HEPACAM2: variants seen among roughly 807,000 people sequenced by gnomAD.
HEPACAM2 encodes mitotic kinetics regulator.
A neutral mutation model predicts 49.6 loss-of-function variants in HEPACAM2; 49 were observed. That is an observed-to-expected ratio of 0.99 (90% CI 0.78 to 1.25). HEPACAM2 has a LOEUF of 1.25. Among genes scored for constraint, HEPACAM2 ranks in the 50% most tolerant of loss-of-function variants. The pLI is 0.00. For synonymous variants in HEPACAM2, 197 were observed against 202.9 expected, an observed-to-expected ratio of 0.97 and a Z score of 0.25; for missense variants, 525 against 557.2, an observed-to-expected ratio of 0.94 and a Z score of 0.58.
At chr7:93,214,945 A>G (rs901828538) in intron 3 of HEPACAM2, among the ~76,000 whole-genome samples, 2 of 152,216 alleles carry the variant, frequency 1.3e-5, no homozygotes, top group Non-Finnish European at 2.9e-5. Flanking sequence ...GAAGACATAC[A>G]GATAAAGAGC....
At chr7:93,194,947 G>C (rs949367745) in intron 8 of HEPACAM2, among the ~76,000 whole-genome samples, 1 of 84,160 alleles carries the variant, frequency 1.2e-5, no homozygotes, top group Non-Finnish European at 2.1e-5. Context: ...TTTCCGGACT[G>C]AAATGACTTC....
chr7:93,201,257 T>A (rs187516665), intron 4 of HEPACAM2, among the ~76,000 whole-genome samples: 14 of 152,228 alleles, frequency 9.2e-5, no homozygotes, highest in Non-Finnish European at 1.9e-4. Flanking sequence ...ATACATAAGG[T>A]GTGTATCCAG....
intron 1 of HEPACAM2, among the ~76,000 whole-genome samples, chr7:93,224,428 A>G (rs190336015): frequency 1.4e-4 from 22 of 152,254 alleles, no homozygotes; most frequent in Non-Finnish European, 2.9e-4. Context: ...ACTCTTATAA[A>G]TTATAGTTCT....
In HEPACAM2 at chr7:93,197,145, T is replaced by C. The variant is rs563171434; in HGVS notation, c.1201+96A>G. 23 of 810,310 alleles carry C rather than the reference T, an allele frequency of 2.8e-5. No individual in the cohort carries two copies. The South Asian group carries it at 8.8e-4, about 31-fold the overall frequency. The allele number at this position is 810,310 out of a possible 1,614,324, so 50.2% of individuals were successfully genotyped here. On this transcript the variant is annotated intron_variant, in intron 7 of 9. Transcript: ENST00000394468. ...AGACTGTTATATTAATTTTAGCTCA[T>C]ATTAATTATATTACATTAATAATAT...
intron 1 of HEPACAM2, 76 bp from the exon 2 acceptor site, chr7:93,219,527 C>A: frequency 1.9e-6 from 3 of 1,595,052 alleles, no homozygotes; most frequent in Non-Finnish European, 8.5e-7. Flanking sequence ...GCAGAGAGAA[C>A]CTGATCAGGT....
Position 93,209,661 on chromosome 7 carries a change from T to A in HEPACAM2, c.716-785A>T, listed in dbSNP as rs541052015. On this transcript the variant is annotated intron_variant, in intron 3 of 9. Coordinates refer to ENST00000394468, the MANE Select transcript of HEPACAM2 (RefSeq NM_001039372.4). The stretch of plus-strand genomic sequence containing the variant: ...TACTCTCTATGTCTATTAGATCAAC[T>A]TTTTAGCTTCTACACATTAATATTT... 3.4e-4 allele frequency among the ~76,000 whole-genome samples: 51 copies of A among 152,084 alleles called. 1 individual carries two copies. In the South Asian group the frequency reaches 9.9e-3, roughly 30 times the overall value.
At chr7:93,204,346 CTATCTATCT>C (rs1041907752) in intron 4 of HEPACAM2, among the ~76,000 whole-genome samples, 9 of 151,850 alleles carry the variant, frequency 5.9e-5, no homozygotes, top group African/African-American at 2.2e-4. Flanking sequence ...ATCTATCTAT[CTATCTATCT>C]ATCTATCTAT....
At chr7:93,215,330 G>T in intron 3 of HEPACAM2, 71 bp downstream of exon 3, 1 of 1,415,066 alleles carries the variant, frequency 7.1e-7, no homozygotes. Flanking sequence ...TATATTCTCT[G>T]TGACTATCCT....
chr7:93,210,701 T>C (rs955409268), intron 3 of HEPACAM2, among the ~76,000 whole-genome samples: 1 of 151,922 alleles, frequency 6.6e-6, no homozygotes, highest in African/African-American at 2.4e-5. Context: ...GTTTGCTCAG[T>C]AATGGCCTAA....
intron 1 of HEPACAM2, among the ~76,000 whole-genome samples, chr7:93,223,956 C>A (rs1253484976): frequency 2.0e-5 from 3 of 152,130 alleles, no homozygotes; most frequent in African/African-American, 7.2e-5. Context: ...TCACCCACTA[C>A]AGATGTGATG....
chr7:93,196,785 G>T (rs1321717688), intron 7 of HEPACAM2, among the ~76,000 whole-genome samples: 5 of 152,130 alleles, frequency 3.3e-5, no homozygotes, highest in Non-Finnish European at 5.9e-5. Flanking sequence ...GGTTACAGTG[G>T]GGACAAAGAA....
chr7:93,192,496 T>G, intron 8 of HEPACAM2, 133 bp from the exon 9 acceptor site: 1 of 671,272 alleles, frequency 1.5e-6, no homozygotes, highest in Non-Finnish European at 2.5e-6. Context: ...CCCTAGAAAG[T>G]TGACTTCCTC....
At chr7:93,214,015 A>G (rs1794242233) in intron 3 of HEPACAM2, among the ~76,000 whole-genome samples, 2 of 152,114 alleles carry the variant, frequency 1.3e-5, no homozygotes, top group African/African-American at 4.8e-5. Flanking sequence ...TATATATTTT[A>G]TTTAATTTTT....
chr7:93,217,835 C>T (rs1439532365), intron 2 of HEPACAM2, among the ~76,000 whole-genome samples: 2 of 149,172 alleles, frequency 1.3e-5, no homozygotes, highest in Admixed American at 1.3e-4. Flanking sequence ...TAGAGAGTGA[C>T]TCTCTCTCTC....
intron 8 of HEPACAM2, among the ~76,000 whole-genome samples, chr7:93,194,188 A>G (rs952765195): frequency 2.6e-5 from 4 of 152,204 alleles, no homozygotes; most frequent in African/African-American, 4.8e-5. Flanking sequence ...AGGTCCTCCC[A>G]GTAAAACTCC....
intron 4 of HEPACAM2, among the ~76,000 whole-genome samples, chr7:93,204,527 A>G (rs1225421960): frequency 1.3e-5 from 2 of 152,158 alleles, no homozygotes; most frequent in African/African-American, 4.8e-5. Flanking sequence ...TATTATTTTA[A>G]TAGCTATTCT....
chr7:93,191,809 C>T (rs915821705), intron 9 of HEPACAM2, among the ~76,000 whole-genome samples: 4 of 152,038 alleles, frequency 2.6e-5, no homozygotes, highest in African/African-American at 7.2e-5. Context: ...GGCATTGGTG[C>T]TGACTGTGCT....
At chr7:93,197,656 A>T (rs373885547) in intron 4 of HEPACAM2, 46 bp from the exon 5 acceptor site, 1 of 1,417,858 alleles carries the variant, frequency 7.1e-7, no homozygotes, top group Admixed American at 2.3e-5. Context: ...TTGCTACAGT[A>T]TATAACTTGA....
chr7:93,230,572 G>C (rs1424021823), upstream of HEPACAM2, among the ~76,000 whole-genome samples: 2 of 152,158 alleles, frequency 1.3e-5, no homozygotes, highest in African/African-American at 4.8e-5. Flanking sequence ...GCTTATTTTA[G>C]TGTTGCCTTG....
Sources: allele counts gnomAD v4.1 joint callset (sites outside exome capture counted in the v4.1 genomes callset), GRCh38; gene constraint gnomAD v4.1.1; transcripts MANE v1.5; gene names NCBI Gene and HGNC (gene_info 2026-07-23, HGNC 2026-07-21).